The following DGKH variants were observed in gnomAD, a reference collection of about 807,000 sequenced individuals.
DGKH encodes diacylglycerol kinase eta.
In DGKH, 90 loss-of-function variants were observed where a neutral mutation model predicts 159.3. That is an observed-to-expected ratio of 0.57 (90% CI 0.48 to 0.67). The LOEUF is 0.67. Ranked by LOEUF, DGKH falls within the 30% of genes least tolerant of loss-of-function variation. The pLI, the probability that DGKH is intolerant of heterozygous loss-of-function variation, is 0.00. For missense variants in DGKH, 1,181 were observed against 1,506.1 expected, an observed-to-expected ratio of 0.78 and a Z score of 3.57; for synonymous variants, 536 against 553.8, an observed-to-expected ratio of 0.97 and a Z score of 0.45.
At chr13:42,193,768 A>G (rs1378482771) in intron 16 of DGKH, among the ~76,000 whole-genome samples, 1 of 152,158 alleles carries the variant, frequency 6.6e-6, no homozygotes, top group Non-Finnish European at 1.5e-5. Flanking sequence ...CTGTTTTTGA[A>G]TGAGACAATA....
intron 1 of DGKH, among the ~76,000 whole-genome samples, chr13:42,106,368 A>G (rs1003544835): frequency 2.3e-4 from 35 of 152,138 alleles, no homozygotes; most frequent in South Asian, 4.1e-4. Context: ...ATGCCTTCCA[A>G]GTGAAAAGCT....
chr13:42,221,530 G>C, intron 29 of DGKH, 136 bp downstream of exon 29: 2 of 1,139,470 alleles, frequency 1.8e-6, no homozygotes, highest in Non-Finnish European at 2.4e-6. Context: ...TCACTGTCCT[G>C]TGGTCTGAGT....
chr13:42,046,359 A>C (rs1354581900), upstream of DGKH, among the ~76,000 whole-genome samples: 1 of 152,224 alleles, frequency 6.6e-6, no homozygotes, highest in African/African-American at 2.4e-5. Context: ...GCAGGTACAC[A>C]GTGCACAAAT....
chr13:42,253,934 G>GC (rs1224631852), intron 30 of DGKH, among the ~76,000 whole-genome samples: 1 of 150,886 alleles, frequency 6.6e-6, no homozygotes, highest in African/African-American at 2.4e-5. Flanking sequence ...AATGTAAAAT[G>GC]CCCCCATAAT....
At chr13:42,087,628 A>G (rs1339845470) in intron 1 of DGKH, among the ~76,000 whole-genome samples, 2 of 152,212 alleles carry the variant, frequency 1.3e-5, no homozygotes, top group African/African-American at 4.8e-5. Context: ...CAATATCTGA[A>G]ATGAAAATAC....
At chr13:42,151,610 CA>C (rs1160696364) in intron 3 of DGKH, among the ~76,000 whole-genome samples, 1,711 of 128,558 alleles carry the variant, frequency 0.013, 16 homozygotes, top group East Asian at 0.02. Flanking sequence ...CACACACACA[CA>C]CACCCCATGG....
At chr13:42,060,717 T>G (rs1882092403) in intron 1 of DGKH, among the ~76,000 whole-genome samples, 1 of 152,196 alleles carries the variant, frequency 6.6e-6, no homozygotes, top group African/African-American at 2.4e-5. Flanking sequence ...AGGACCTCAC[T>G]CATAGTCAGT....
chr13:42,211,242 C>T (rs1957650738), intron 24 of DGKH, among the ~76,000 whole-genome samples: 2 of 152,258 alleles, frequency 1.3e-5, no homozygotes, highest in Middle Eastern at 3.4e-3. Flanking sequence ...GTCTTACCTC[C>T]TCACCTGAGT....
At chr13:42,120,630 A>G (rs1955049688) in intron 1 of DGKH, among the ~76,000 whole-genome samples, 1 of 152,330 alleles carries the variant, frequency 6.6e-6, no homozygotes, top group African/African-American at 2.4e-5. Context: ...TTTGTTACCC[A>G]TAACCATATT....
intron 24 of DGKH, among the ~76,000 whole-genome samples, chr13:42,213,382 G>A (rs1413361503): frequency 6.6e-6 from 1 of 152,054 alleles, no homozygotes; most frequent in African/African-American, 2.4e-5. Context: ...GAAAATGATG[G>A]GTTCCATGTT....
chr13:42,182,414 A>G (rs1594160729), intron 13 of DGKH, among the ~76,000 whole-genome samples: 1 of 152,034 alleles, frequency 6.6e-6, no homozygotes, highest in Non-Finnish European at 1.5e-5. Flanking sequence ...CTCTCTATCC[A>G]TGGGGGATTG....
At chr13:42,063,562 G>A (rs1020116269) in intron 1 of DGKH, among the ~76,000 whole-genome samples, 7 of 152,166 alleles carry the variant, frequency 4.6e-5, no homozygotes, top group African/African-American at 1.7e-4. Context: ...CGAGAGGAGG[G>A]AAAAAATGAA....
chr13:42,207,023 CTTTTTCTTTCT>C (rs1957500390), intron 21 of DGKH, among the ~76,000 whole-genome samples: 1 of 49,022 alleles, frequency 2.0e-5, no homozygotes, highest in Admixed American at 2.4e-4. Context: ...TTCTTTCTTT[CTTTTTCTTTCT>C]TTCTTTCCTT....
In DGKH at chr13:42,084,597, CAA is replaced by C. The variant is rs560959370; in HGVS notation, c.192+35634_192+35635del. Among the ~76,000 whole-genome samples, 263 of 152,104 alleles carry C rather than the reference CAA, an allele frequency of 1.7e-3. 1 individual carries two copies. Among genetic ancestry groups the C allele is most frequent in the African/African-American group, 5.9e-3 (243 of 41,512 alleles). ...TTACAATGTATTGCGTATTTTTAAACAAATGTTAAAATAACTTTGATGGCTAT... is the reference window on the plus strand; with the variant it reads ...TTACAATGTATTGCGTATTTTTAAACATGTTAAAATAACTTTGATGGCTAT... On this transcript the variant is annotated intron_variant, in intron 1 of 29. Coordinates refer to ENST00000337343, the MANE Select transcript of DGKH (RefSeq NM_178009.5).
In DGKH at chr13:42,242,609, G is replaced by T. The variant is rs1958535025; in HGVS notation, c.*13421G>T. On this transcript the variant is annotated 3_prime_UTR_variant, in exon 30 of 30. Coordinates refer to ENST00000337343, the MANE Select transcript of DGKH (RefSeq NM_178009.5). ...CTACTATTTTAAAGATGTTTTATGT[G>T]TTTTCACCTTTGGAATATATTGTTA... The T allele has an allele frequency of 6.6e-6, 1 of 152,152 alleles. No homozygotes were observed. The highest frequency in any genetic ancestry group is 1.5e-5 in the Non-Finnish European group (1 of 68,006). The allele number at this position is 152,152 out of a possible 1,614,324, so 9.4% of individuals were successfully genotyped here.
In DGKH at chr13:42,235,827, A is replaced by C. The variant is rs1268707533; in HGVS notation, c.*6639A>C. The C allele has an allele frequency of 1.3e-5, 2 of 152,178 alleles. No individual in the cohort carries two copies. The highest frequency in any genetic ancestry group is 2.9e-5 in the Non-Finnish European group (2 of 68,006). The allele number at this position is 152,178 out of a possible 1,614,324, so 9.4% of individuals were successfully genotyped here. ...TCAAATCTTCAAGTAAGTTGTATCG[A>C]ATGTTTTTCTTCCTCTTAAGTGAGA... On this transcript the variant is annotated 3_prime_UTR_variant, in exon 30 of 30. Coordinates refer to ENST00000337343, the MANE Select transcript of DGKH (RefSeq NM_178009.5).
chr13:42,157,058 G>A (rs530680852), intron 5 of DGKH, among the ~76,000 whole-genome samples: 2 of 152,318 alleles, frequency 1.3e-5, no homozygotes, highest in South Asian at 4.1e-4. Flanking sequence ...GTTTGTAACT[G>A]TTTTGTAAGA....
chr13:42,242,718 C>G lies in DGKH; in HGVS notation c.*13530C>G, dbSNP rs1445099256. ...CTACTAAGTGACCAGTTTTCGGTGC[C>G]TTTTATTGTGGGATGCATGATTATG... On this transcript the variant is annotated 3_prime_UTR_variant, in exon 30 of 30. Transcript: ENST00000337343. 2 of 152,048 alleles carry G rather than the reference C, an allele frequency of 1.3e-5. No homozygotes were observed. The highest frequency in any genetic ancestry group is 2.9e-5 in the Non-Finnish European group (2 of 68,004). 9.4% of individuals were successfully genotyped at this position (152,048 alleles called of 1,614,324 possible). A position where few individuals can be genotyped will look rare whatever the true frequency, so the allele number is the denominator to read the frequency against.
chr13:42,201,839 C>G (rs534280565), intron 20 of DGKH, among the ~76,000 whole-genome samples: 1 of 152,078 alleles, frequency 6.6e-6, no homozygotes, highest in Non-Finnish European at 1.5e-5. Flanking sequence ...CTAATAAATA[C>G]CATAACTTCA....
Sources: gnomAD v4.1 joint callset for allele counts (sites outside exome capture counted in the v4.1 genomes callset) on GRCh38, gnomAD v4.1.1 for gene constraint, MANE v1.5 for transcripts, NCBI Gene and HGNC (gene_info 2026-07-23, HGNC 2026-07-21) for gene names.